Variants in LRP1B observed in about 807,000 individuals in gnomAD.
LRP1B encodes LDL receptor related protein 1B.
A neutral mutation model predicts 556.6 loss-of-function variants in LRP1B; 217 were observed. The observed-to-expected ratio is 0.39, with a 90% confidence interval of 0.35 to 0.44. The LOEUF is 0.44. Ranked by LOEUF, LRP1B falls within the 20% of genes least tolerant of loss-of-function variation. LRP1B has a pLI of 1.00. For missense variants in LRP1B, 5,053 were observed against 5,620.8 expected, an observed-to-expected ratio of 0.90 and a Z score of 3.23; for synonymous variants, 2,047 against 1,865.8, an observed-to-expected ratio of 1.10 and a Z score of -2.50.
At chr2:141,146,793 T>A (rs550805144) in intron 7 of LRP1B, among the ~76,000 whole-genome samples, 1 of 152,196 alleles carries the variant, frequency 6.6e-6, no homozygotes, top group Non-Finnish European at 1.5e-5. Context: ...TTTCCTGCTA[T>A]TTTTTACTTT....
chr2:142,115,592 T>TTA (rs796873732), intron 1 of LRP1B, among the ~76,000 whole-genome samples: 242 of 20,374 alleles, frequency 0.012, 3 homozygotes, highest in Non-Finnish European at 0.017. Context: ...AATATATATA[T>TTA]TATATATGTA....
intron 41 of LRP1B, among the ~76,000 whole-genome samples, chr2:140,682,736 C>T (rs1416924780): frequency 1.3e-5 from 2 of 148,676 alleles, no homozygotes; most frequent in Non-Finnish European, 3.0e-5. Flanking sequence ...CTAAACTGAA[C>T]CTGAAGTATA....
At chr2:140,285,320 CACACATAT>C (rs201456310) in intron 84 of LRP1B, among the ~76,000 whole-genome samples, 2 of 69,862 alleles carry the variant, frequency 2.9e-5, no homozygotes, top group Non-Finnish European at 7.9e-5. Flanking sequence ...TATACATACA[CACACATAT>C]ACACATACAT....
chr2:142,000,815 A>G (rs1702629679), intron 1 of LRP1B, among the ~76,000 whole-genome samples: 1 of 152,196 alleles, frequency 6.6e-6, no homozygotes, highest in Non-Finnish European at 1.5e-5. Context: ...TCAAGAGCCC[A>G]GATCACCCAA....
chr2:141,360,452 G>C (rs892885944), intron 3 of LRP1B, among the ~76,000 whole-genome samples: 1 of 152,154 alleles, frequency 6.6e-6, no homozygotes, highest in Non-Finnish European at 1.5e-5. Context: ...TATACAGAAT[G>C]GATATGTATG....
intron 31 of LRP1B, among the ~76,000 whole-genome samples, chr2:140,818,201 A>G (rs1430657438): frequency 6.6e-6 from 1 of 152,194 alleles, no homozygotes; most frequent in Non-Finnish European, 1.5e-5. Flanking sequence ...GGAAATAGAC[A>G]CACTATGAAT....
chr2:140,795,465 A>G (rs574600587), intron 32 of LRP1B, among the ~76,000 whole-genome samples: 3 of 152,288 alleles, frequency 2.0e-5, no homozygotes, highest in East Asian at 1.9e-4. Flanking sequence ...CTGAATGGCT[A>G]TAGTTTAAAT....
At chr2:140,895,268 T>A (rs1457437151) in intron 23 of LRP1B, among the ~76,000 whole-genome samples, 1 of 152,170 alleles carries the variant, frequency 6.6e-6, no homozygotes, top group East Asian at 1.9e-4. Context: ...AAAAAAATTA[T>A]ATAATGTTAT....
chr2:141,457,428 C>T (rs773255912), intron 3 of LRP1B, among the ~76,000 whole-genome samples: 4 of 151,934 alleles, frequency 2.6e-5, no homozygotes, highest in Admixed American at 1.3e-4. Flanking sequence ...CACACTGGGG[C>T]GTGCCAGTGG....
intron 2 of LRP1B, among the ~76,000 whole-genome samples, chr2:141,700,857 A>G (rs1398470523): frequency 6.6e-6 from 1 of 151,882 alleles, no homozygotes; most frequent in Non-Finnish European, 1.5e-5. Flanking sequence ...ACATTCTGAT[A>G]AGGTACCTAA....
At chr2:140,284,492 G>T (rs1032290992) in intron 84 of LRP1B, among the ~76,000 whole-genome samples, 1 of 151,528 alleles carries the variant, frequency 6.6e-6, no homozygotes, top group Non-Finnish European at 1.5e-5. Context: ...CCTAACTGGA[G>T]GGCAGGCAAC....
intron 79 of LRP1B, among the ~76,000 whole-genome samples, chr2:140,331,912 G>A (rs1006573091): frequency 6.6e-6 from 1 of 151,806 alleles, no homozygotes; most frequent in Non-Finnish European, 1.5e-5. Flanking sequence ...GGGCAGGCTG[G>A]TCTCAAACTC....
intron 1 of LRP1B, among the ~76,000 whole-genome samples, chr2:141,868,428 A>T (rs1698482181): frequency 6.6e-6 from 1 of 152,164 alleles, no homozygotes; most frequent in Non-Finnish European, 1.5e-5. Context: ...ATTAGTATTC[A>T]TATGGGCCTT....
chr2:140,758,614 C>T (rs1688815677), intron 35 of LRP1B, among the ~76,000 whole-genome samples: 1 of 151,878 alleles, frequency 6.6e-6, no homozygotes, highest in Non-Finnish European at 1.5e-5. Flanking sequence ...ATTTAAATCA[C>T]CATTCTTTTT....
chr2:140,616,101 G>A (rs1366940103), intron 41 of LRP1B, among the ~76,000 whole-genome samples: 1 of 142,656 alleles, frequency 7.0e-6, no homozygotes, highest in African/African-American at 2.5e-5. Context: ...TACCCATAAA[G>A]TTACTAAAAA....
chr2:142,019,767 T>C (rs1703275293), intron 1 of LRP1B, among the ~76,000 whole-genome samples: 1 of 152,168 alleles, frequency 6.6e-6, no homozygotes, highest in South Asian at 2.1e-4. Context: ...GATCCTCTTC[T>C]GGATTACTCT....
chr2:141,663,616 C>A (rs547254257), intron 2 of LRP1B, among the ~76,000 whole-genome samples: 1 of 151,930 alleles, frequency 6.6e-6, no homozygotes, highest in Admixed American at 6.6e-5. Context: ...CTGGACAATG[C>A]GCCCTCCCAC....
At chr2:141,297,388 A>G (rs1265589615) in intron 3 of LRP1B, among the ~76,000 whole-genome samples, 1 of 152,166 alleles carries the variant, frequency 6.6e-6, no homozygotes. Context: ...CACTATGGAG[A>G]GCAGTTTAGT....
intron 7 of LRP1B, among the ~76,000 whole-genome samples, chr2:141,128,617 A>C (rs1490193842): frequency 6.6e-6 from 1 of 152,096 alleles, no homozygotes; most frequent in Non-Finnish European, 1.5e-5. Context: ...TAACATAATG[A>C]AGTTTCTTTT....
Sources: allele counts gnomAD v4.1 joint callset (sites outside exome capture counted in the v4.1 genomes callset), GRCh38; gene constraint gnomAD v4.1.1; transcripts MANE v1.5; gene names NCBI Gene and HGNC (gene_info 2026-07-23, HGNC 2026-07-21).